The following RAB7A variants were observed in gnomAD, a reference collection of about 807,000 sequenced individuals.
RAB7A encodes the protein RAB7A, member RAS oncogene family.
Under a neutral mutation model 24.5 loss-of-function variants are expected in RAB7A, and 2 were observed. The observed-to-expected ratio is 0.08, with a 90% CI of 0.03 to 0.26. The LOEUF (loss-of-function observed/expected upper bound fraction) is 0.26. Among genes scored for constraint, RAB7A ranks in the 10% least tolerant of loss-of-function variants. The pLI is 1.00. For missense variants in RAB7A, 118 were observed against 255.7 expected (o/e 0.46, Z 3.67); for synonymous variants, 100 against 95.9 (o/e 1.04, Z -0.25).
At chr3:128,781,969 C>T (rs547447322) in intron 1 of RAB7A, among the ~76,000 whole-genome samples, 7 of 152,102 alleles carry the variant, frequency 4.6e-5, no homozygotes, top group East Asian at 1.9e-4. Flanking sequence ...GCCAAGATCG[C>T]GCCACTGCAC....
intron 1 of RAB7A, chr3:128,764,790 A>G (rs574115046): frequency 4.0e-5 from 34 of 860,562 alleles, no homozygotes; most frequent in African/African-American, 2.6e-4. Flanking sequence ...GGCCACCACG[A>G]TAGTTTTGCA....
chr3:128,793,171 A>C (rs1315990017), intron 1 of RAB7A, among the ~76,000 whole-genome samples: 2 of 151,086 alleles, frequency 1.3e-5, no homozygotes, highest in Admixed American at 1.3e-4. Context: ...CTACAGGCAC[A>C]TGCCACCACG....
At chr3:128,730,003 A>C (rs1408656252) in intron 1 of RAB7A, among the ~76,000 whole-genome samples, 1 of 152,196 alleles carries the variant, frequency 6.6e-6, no homozygotes, top group Non-Finnish European at 1.5e-5. Context: ...CTTACCTCTC[A>C]TGTAAGGAAG....
chr3:128,803,386 G>A (rs2107614464), intron 3 of RAB7A, among the ~76,000 whole-genome samples: 1 of 152,160 alleles, frequency 6.6e-6, no homozygotes, highest in Admixed American at 6.5e-5. Context: ...ATGCCTAATA[G>A]TATCCAAGCA....
At chr3:128,735,330 G>A (rs193004907) in intron 1 of RAB7A, among the ~76,000 whole-genome samples, 63 of 150,386 alleles carry the variant, frequency 4.2e-4, no homozygotes, top group Non-Finnish European at 8.5e-4. Flanking sequence ...GGGAATGACT[G>A]TATGTATGGA....
In RAB7A at chr3:128,807,591, C is replaced by G. The variant is rs1320514833; in HGVS notation, c.448C>G (p.Pro150Ala). 1 of 1,614,200 alleles carries G rather than the reference C, an allele frequency of 6.2e-7. No homozygotes were observed. The highest frequency in any genetic ancestry group is 8.5e-7 in the Non-Finnish European group (1 of 1,180,046). Residue 150 changes from proline (P) to alanine (A), a missense_variant, in exon 5 of 6, where the codon CCC becomes GCC. Coordinates refer to ENST00000265062, the MANE Select transcript of RAB7A (RefSeq NM_004637.6). ...CTGGTGCTACAGCAAAAACAACATTCCCTACTTTGAGACCAGTGCCAAGGA... is the reference window on the plus strand; with the variant it reads ...CTGGTGCTACAGCAAAAACAACATTGCCTACTTTGAGACCAGTGCCAAGGA... ...QAWCYSKNNI[P>A]YFETSAKEAI... is the part of the protein sequence containing the mutation.
At chr3:128,800,698 T>C (rs924699108) in intron 3 of RAB7A, among the ~76,000 whole-genome samples, 5 of 152,140 alleles carry the variant, frequency 3.3e-5, no homozygotes, top group African/African-American at 1.2e-4. Context: ...CAGCAGGCAG[T>C]GGGGTATGTT....
At chr3:128,729,048 G>A (rs563750787) in intron 1 of RAB7A, among the ~76,000 whole-genome samples, 1 of 152,186 alleles carries the variant, frequency 6.6e-6, no homozygotes, top group Non-Finnish European at 1.5e-5. Context: ...TAAACAGAGG[G>A]TGGAATGTAG....
chr3:128,732,554 T>G (rs2070449373), intron 1 of RAB7A, among the ~76,000 whole-genome samples: 1 of 152,126 alleles, frequency 6.6e-6, no homozygotes, highest in Non-Finnish European at 1.5e-5. Flanking sequence ...GGCATGGTGG[T>G]CAGTACTTTG....
At chr3:128,769,229 CTT>C (rs1038577436) in intron 1 of RAB7A, among the ~76,000 whole-genome samples, 2 of 152,042 alleles carry the variant, frequency 1.3e-5, no homozygotes, top group African/African-American at 4.8e-5. Flanking sequence ...ATATATCTAA[CTT>C]TTAAAATGGT....
chr3:128,746,339 C>T (rs899693423), intron 1 of RAB7A, among the ~76,000 whole-genome samples: 1 of 152,064 alleles, frequency 6.6e-6, no homozygotes, highest in Non-Finnish European at 1.5e-5. Context: ...GTGGCTCAAT[C>T]ATAGCTCACT....
intron 1 of RAB7A, among the ~76,000 whole-genome samples, chr3:128,758,027 A>G (rs914408108): frequency 2.6e-5 from 4 of 152,080 alleles, no homozygotes; most frequent in East Asian, 1.9e-4. Context: ...CAGTGGTGCG[A>G]TTGTAGCTCA....
chr3:128,798,006 C>T lies in RAB7A; in HGVS notation c.117C>T (p.Ala39=). The T allele has an allele frequency of 6.2e-7, 1 of 1,613,844 alleles. No individual in the cohort carries two copies. Among genetic ancestry groups the T allele is most frequent in the Non-Finnish European group, 8.5e-7 (1 of 1,179,762 alleles). The change falls in exon 3 of 6, where the codon GCC becomes GCT. Residue 39 remains alanine, a synonymous_variant. Coordinates refer to ENST00000265062, the MANE Select transcript of RAB7A (RefSeq NM_004637.6). The part of the protein sequence containing the change: ...VNKKFSNQYK[A]TIGADFLTKE... Reference sequence around the variant, plus strand: ...AGAAATTCAGCAATCAGTACAAAGCCACAATAGGAGCTGACTTTCTGACCA... The same window carrying T: ...AGAAATTCAGCAATCAGTACAAAGCTACAATAGGAGCTGACTTTCTGACCA...
chr3:128,756,972 T>C (rs550180718), intron 1 of RAB7A, among the ~76,000 whole-genome samples: 7 of 151,972 alleles, frequency 4.6e-5, no homozygotes, highest in African/African-American at 1.7e-4. Context: ...GCTTCCCAAG[T>C]AGCTGGGACT....
chr3:128,795,409 G>A lies in RAB7A; in HGVS notation c.42G>A (p.Leu14=). The part of the protein sequence containing the change: ...RKKVLLKVII[L]GDSGVGKTSL... ...AAGTGTTGCTGAAGGTTATCATCCTGGGAGATTCTGGGTAAGTTACTCATG... is the reference window on the plus strand; with the variant it reads ...AAGTGTTGCTGAAGGTTATCATCCTAGGAGATTCTGGGTAAGTTACTCATG... Residue 14 remains leucine (L), a synonymous_variant, in exon 2 of 6, where the codon CTG becomes CTA. Transcript: ENST00000265062. 2 of 1,612,716 alleles carry A rather than the reference G, an allele frequency of 1.2e-6. No individual in the cohort carries two copies. The highest frequency in any genetic ancestry group is 1.7e-6 in the Non-Finnish European group (2 of 1,178,756).
At chr3:128,754,802 AAGC>A (rs1195003971) in intron 1 of RAB7A, among the ~76,000 whole-genome samples, 1 of 152,194 alleles carries the variant, frequency 6.6e-6, no homozygotes, top group Non-Finnish European at 1.5e-5. Context: ...TTACGAGACA[AAGC>A]AGGACATTAT....
chr3:128,743,792 CTTT>C (rs35973437), intron 1 of RAB7A, among the ~76,000 whole-genome samples: 1 of 141,224 alleles, frequency 7.1e-6, no homozygotes. Context: ...TTCTCTCTCT[CTTT>C]TTTTTTTTTT....
At chr3:128,813,204 C>G in intron 5 of RAB7A, 123 bp from the exon 6 acceptor site, 1 of 921,346 alleles carries the variant, frequency 1.1e-6, no homozygotes. Flanking sequence ...GGCTCTGCTT[C>G]ACAGCTCCCC....
Position 128,814,385 on chromosome 3 carries a change from C to G in RAB7A, c.*963C>G, listed in dbSNP as rs1271746080. 3 of 152,736 alleles carry G rather than the reference C, an allele frequency of 2.0e-5. No individual in the cohort carries two copies. The highest frequency in any genetic ancestry group is 4.1e-4 in the South Asian group (2 of 4,830). 9.5% of individuals were successfully genotyped at this position (152,736 alleles called of 1,614,324 possible). A position where few individuals can be genotyped will look rare whatever the true frequency, so the allele number is the denominator to read the frequency against. ...TGCAATGGATAAATTGCCGTTATTTCAAAAATTAAAATTCTCATTTTCTTT... is the reference window on the plus strand; with the variant it reads ...TGCAATGGATAAATTGCCGTTATTTGAAAAATTAAAATTCTCATTTTCTTT... On this transcript the variant is annotated 3_prime_UTR_variant, in exon 6 of 6. Transcript: ENST00000265062.
Sources: allele counts gnomAD v4.1 joint callset (sites outside exome capture counted in the v4.1 genomes callset), GRCh38; gene constraint gnomAD v4.1.1; transcripts MANE v1.5; gene names NCBI Gene and HGNC (gene_info 2026-07-23, HGNC 2026-07-21).